Variants in RALGPS1 observed in about 807,000 individuals in gnomAD.
The protein encoded by RALGPS1 is ras-specific guanine nucleotide-releasing factor RalGPS1.
A neutral mutation model predicts 78.8 loss-of-function variants in RALGPS1; 19 were observed. The observed-to-expected ratio is 0.24, with a 90% CI of 0.17 to 0.35. RALGPS1 has a LOEUF of 0.35. Among genes scored for constraint, RALGPS1 ranks in the 10% least tolerant of loss-of-function variants. RALGPS1 has a pLI of 1.00. For missense variants in RALGPS1, 454 were observed against 688.3 expected, an observed-to-expected ratio of 0.66 and a Z score of 3.81; for synonymous variants, 228 against 256.3, an observed-to-expected ratio of 0.89 and a Z score of 1.06.
intron 13 of RALGPS1, among the ~76,000 whole-genome samples, chr9:127,198,532 C>A (rs137891059): frequency 1.4e-4 from 21 of 152,316 alleles, no homozygotes; most frequent in African/African-American, 5.1e-4. Context: ...ACCCCACTGG[C>A]CAGGGGTCTG....
intron 5 of RALGPS1, among the ~76,000 whole-genome samples, chr9:127,046,368 T>A (rs1028796046): frequency 2.0e-5 from 3 of 152,228 alleles, no homozygotes; most frequent in Non-Finnish European, 2.9e-5. Context: ...AATGGGCTTT[T>A]AAAAATTGTA....
intron 3 of RALGPS1, among the ~76,000 whole-genome samples, chr9:126,972,045 A>G (rs982941090): frequency 1.5e-4 from 23 of 152,236 alleles, no homozygotes; most frequent in Non-Finnish European, 1.6e-4. Context: ...AAAAGAACCC[A>G]TGGCTTCCGG....
intron 4 of RALGPS1, among the ~76,000 whole-genome samples, chr9:127,024,598 A>G (rs892583030): frequency 6.6e-6 from 1 of 152,112 alleles, no homozygotes; most frequent in African/African-American, 2.4e-5. Context: ...ACTGTTACAC[A>G]TAGTCAAGCC....
intron 3 of RALGPS1, among the ~76,000 whole-genome samples, chr9:126,967,643 C>T (rs2039649796): frequency 6.6e-6 from 1 of 152,022 alleles, no homozygotes; most frequent in African/African-American, 2.4e-5. Context: ...CTCAAGTGAT[C>T]CTCCTGCCTC....
At chr9:126,933,664 T>G (rs1006440140) in intron 1 of RALGPS1, among the ~76,000 whole-genome samples, 1 of 152,072 alleles carries the variant, frequency 6.6e-6, no homozygotes, top group African/African-American at 2.4e-5. Flanking sequence ...TGAAGGAGGT[T>G]GTGAGGCTGC....
chr9:127,073,308 C>T (rs1370861025), intron 8 of RALGPS1, among the ~76,000 whole-genome samples: 1 of 152,144 alleles, frequency 6.6e-6, no homozygotes, highest in Non-Finnish European at 1.5e-5. Flanking sequence ...GCTTTTTTAG[C>T]TAGCACATAT....
intron 7 of RALGPS1, among the ~76,000 whole-genome samples, chr9:127,068,548 G>A (rs1471466978): frequency 6.6e-6 from 1 of 152,246 alleles, no homozygotes; most frequent in Non-Finnish European, 1.5e-5. Context: ...TAACTTCCAA[G>A]TGTGAGATTC....
intron 1 of RALGPS1, among the ~76,000 whole-genome samples, chr9:126,921,406 T>C (rs2034739304): frequency 6.6e-6 from 1 of 152,234 alleles, no homozygotes; most frequent in South Asian, 2.1e-4. Flanking sequence ...ACACCTTTTC[T>C]TTGTCTGAGT....
chr9:126,987,919 G>A (rs538698229), intron 4 of RALGPS1, among the ~76,000 whole-genome samples: 2 of 152,318 alleles, frequency 1.3e-5, no homozygotes, highest in South Asian at 2.1e-4. Context: ...GGGTGAGGAT[G>A]GGCAGAAGGC....
intron 11 of RALGPS1, 24 bp downstream of exon 11, chr9:127,174,806 A>G (rs761383903): frequency 6.2e-7 from 1 of 1,606,158 alleles, no homozygotes; most frequent in South Asian, 1.1e-5. Context: ...CTCGAGTGGG[A>G]GCAAACCCAC....
intron 14 of RALGPS1, among the ~76,000 whole-genome samples, chr9:127,208,371 G>C (rs1451656138): frequency 6.6e-6 from 1 of 152,228 alleles, no homozygotes; most frequent in Non-Finnish European, 1.5e-5. Context: ...CCCAATGACA[G>C]ACCCCACCAT....
In RALGPS1 at chr9:127,200,754, C is replaced by T. The variant is rs183945811; in HGVS notation, c.1247+1688C>T. On this transcript the variant is annotated intron_variant, in intron 14 of 18. Transcript: ENST00000259351. Reference sequence around the variant, plus strand: ...ACAGGCACAAGGGCAGACTCTAGAACTCTCAGCATCAGTCAGGGGACTCCT... The same window carrying T: ...ACAGGCACAAGGGCAGACTCTAGAATTCTCAGCATCAGTCAGGGGACTCCT... Among the ~76,000 whole-genome samples the T allele has an allele frequency of 5.9e-5, 9 of 152,350 alleles. No homozygotes were observed. The East Asian group carries it at 1.7e-3, about 29-fold the overall frequency.
chr9:127,070,060 G>C (rs1399489572), intron 8 of RALGPS1: 1 of 152,256 alleles, frequency 6.6e-6, no homozygotes, highest in Non-Finnish European at 1.5e-5. Flanking sequence ...CAGTTTCCTG[G>C]AAGACAGTTT....
At chr9:127,216,974 G>A (rs1241759580) in intron 18 of RALGPS1, 64 of 1,544,496 alleles carry the variant, frequency 4.1e-5, no homozygotes, top group Admixed American at 4.0e-4. Flanking sequence ...AGGGCGGTGC[G>A]GGGAAGGAGG....
chr9:127,124,548 G>A (rs144924017), intron 8 of RALGPS1, among the ~76,000 whole-genome samples: 22 of 152,224 alleles, frequency 1.4e-4, no homozygotes, highest in South Asian at 4.1e-4. Flanking sequence ...GGCCCCATGC[G>A]TATAATAAGA....
intron 8 of RALGPS1, among the ~76,000 whole-genome samples, chr9:127,116,721 C>A (rs1188111741): frequency 2.0e-5 from 3 of 152,230 alleles, no homozygotes; most frequent in Non-Finnish European, 4.4e-5. Flanking sequence ...GCCACCTTGG[C>A]TGTTTGGATG....
chr9:127,058,586 G>A (rs1243327099), intron 7 of RALGPS1, among the ~76,000 whole-genome samples: 1 of 152,162 alleles, frequency 6.6e-6, no homozygotes, highest in African/African-American at 2.4e-5. Flanking sequence ...AGAAGAGAAT[G>A]AGGGGTGAGT....
intron 8 of RALGPS1, among the ~76,000 whole-genome samples, chr9:127,139,175 G>A (rs1007811795): frequency 2.6e-5 from 4 of 152,108 alleles, no homozygotes; most frequent in African/African-American, 9.7e-5. Context: ...CCAGAAGGTG[G>A]GTCACGTAGT....
intron 8 of RALGPS1, among the ~76,000 whole-genome samples, chr9:127,118,094 C>T (rs1294619699): frequency 6.6e-6 from 1 of 152,162 alleles, no homozygotes; most frequent in Non-Finnish European, 1.5e-5. Flanking sequence ...CTTGCTCTAT[C>T]ACCAGACTGG....
Sources: allele counts gnomAD v4.1 joint callset (sites outside exome capture counted in the v4.1 genomes callset), GRCh38; gene constraint gnomAD v4.1.1; transcripts MANE v1.5; gene names NCBI Gene and HGNC (gene_info 2026-07-23, HGNC 2026-07-21).